The following VSTM2L variants were observed in gnomAD, a reference collection of about 807,000 sequenced individuals.
VSTM2L encodes V-set and transmembrane domain-containing protein 2-like protein.
VSTM2L carries 9 observed loss-of-function variants against 19.9 expected under a neutral mutation model. That is an observed-to-expected ratio of 0.45 (90% CI 0.27 to 0.79). VSTM2L has a LOEUF of 0.79. VSTM2L is among the 30% of genes least tolerant of loss of function. VSTM2L has a pLI of 0.15. For missense variants in VSTM2L, 286 were observed against 295.5 expected (o/e 0.97, Z 0.24); for synonymous variants, 127 against 133.8 (o/e 0.95, Z 0.35).
rs1288262763 is a variant in VSTM2L at position 37,931,636 on chromosome 20, C to G, written c.123C>G (p.Ala41=). The G allele has an allele frequency of 6.2e-7, 1 of 1,612,100 alleles. No homozygotes were observed. Among genetic ancestry groups the G allele is most frequent in the African/African-American group, 1.3e-5 (1 of 74,922 alleles). The change falls in exon 2 of 4, where the codon GCC becomes GCG. Residue 41 remains alanine, a splice_region_variant and synonymous_variant. Coordinates refer to ENST00000373461, the MANE Select transcript of VSTM2L (RefSeq NM_080607.3). The stretch of plus-strand genomic sequence containing the variant: ...TTCTTCCCCCTGTTTCTTGCACAGC[C>G]CTGTTCACAGAGACACCCCATGACA... The part of the protein sequence containing the change: ...APWDNHVSGH[A]LFTETPHDMT...
rs187604154 is a variant in VSTM2L, at chr20:37,936,902, G to A, written c.342+3313G>A. ...CGTAAAACTCCTATTCCTAGCAAGC[G>A]AGCAGGATGTGGGCAAGGGAATAAA... On this transcript the variant is annotated intron_variant, in intron 3 of 3. Transcript: ENST00000373461. Among the ~76,000 whole-genome samples the A allele has an allele frequency of 6.6e-5, 10 of 151,910 alleles. No homozygotes were observed. In the East Asian group the frequency reaches 1.5e-3, roughly 23 times the overall value.
rs767692338 is a variant in VSTM2L, at chr20:37,931,723, C to G, written c.210C>G (p.Pro70=). Residue 70 remains proline (P), a synonymous_variant, in exon 2 of 4, where the codon CCC becomes CCG. Transcript: ENST00000373461. ...MACSFRGSGS[P]SYSLEIQWWY... ...GCTCCTTCCGCGGCAGCGGCTCCCCCTCCTACTCGCTGGAGATCCAGTGGT... is the reference window on the plus strand; with the variant it reads ...GCTCCTTCCGCGGCAGCGGCTCCCCGTCCTACTCGCTGGAGATCCAGTGGT... 2 of 1,613,854 alleles carry G rather than the reference C, an allele frequency of 1.2e-6. No individual in the cohort carries two copies. The highest frequency in any genetic ancestry group is 1.7e-5 in the Admixed American group (1 of 60,022).
intron 1 of VSTM2L, among the ~76,000 whole-genome samples, chr20:37,930,291 C>T (rs2072901162): frequency 2.0e-5 from 3 of 151,896 alleles, no homozygotes; most frequent in Non-Finnish European, 2.9e-5. Flanking sequence ...AGAGAGGTGG[C>T]CCCAGAGCAG....
chr20:37,917,720 C>T (rs2072827665), intron 1 of VSTM2L, among the ~76,000 whole-genome samples: 1 of 152,198 alleles, frequency 6.6e-6, no homozygotes, highest in Non-Finnish European at 1.5e-5. Flanking sequence ...CCCTGTTAGC[C>T]ACCACACCAG....
At chr20:37,907,768 C>G (rs1369874497) in intron 1 of VSTM2L, among the ~76,000 whole-genome samples, 1 of 152,098 alleles carries the variant, frequency 6.6e-6, no homozygotes, top group Non-Finnish European at 1.5e-5. Context: ...GGGGCTTTGT[C>G]CATTGAGTGA....
At position 37,903,402 on chromosome 20, in the gene VSTM2L, T is replaced by C; in HGVS notation, c.52T>C (p.Phe18Leu). The C allele has an allele frequency of 6.7e-7, 1 of 1,490,678 alleles. No homozygotes were observed. Among genetic ancestry groups the C allele is most frequent in the Non-Finnish European group, 8.9e-7 (1 of 1,126,566 alleles). The allele number at this position is 1,490,678 out of a possible 1,614,324, so 92.3% of individuals were successfully genotyped here. A position where few individuals can be genotyped will look rare whatever the true frequency, so the allele number is the denominator to read the frequency against. The change falls in exon 1 of 4, where the codon TTC becomes CTC. Residue 18 changes from phenylalanine (F) to leucine (L), a missense_variant. Coordinates refer to ENST00000373461, the MANE Select transcript of VSTM2L (RefSeq NM_080607.3). ...ALGALHYLAL[F>L]LQLGGATRPA... ...GGGCGCCCTCCACTACCTGGCACTT[T>C]TCCTGCAACTCGGCGGCGCCACGCG...
chr20:37,929,776 C>A (rs764380267), intron 1 of VSTM2L, among the ~76,000 whole-genome samples: 1 of 151,812 alleles, frequency 6.6e-6, no homozygotes, highest in Non-Finnish European at 1.5e-5. Context: ...CCACAGGGTT[C>A]CTTGAAGACT....
At chr20:37,929,137 G>A (rs6123167) in intron 1 of VSTM2L, among the ~76,000 whole-genome samples, 65,516 of 151,906 alleles carry the variant, frequency 0.43, 14,381 homozygotes, top group Middle Eastern at 0.61. Flanking sequence ...CTAAGGAAGC[G>A]GACTTTGAGC....
intron 1 of VSTM2L, among the ~76,000 whole-genome samples, chr20:37,929,790 T>C (rs2072898405): frequency 6.6e-6 from 1 of 151,776 alleles, no homozygotes; most frequent in South Asian, 2.1e-4. Flanking sequence ...GAAGACTGAA[T>C]GTGGGAAGGG....
intron 3 of VSTM2L, among the ~76,000 whole-genome samples, chr20:37,935,271 G>A (rs1489754689): frequency 3.3e-5 from 5 of 152,178 alleles, no homozygotes; most frequent in Non-Finnish European, 5.9e-5. Flanking sequence ...CTGGGGCTCC[G>A]AGGGTCTGGT....
chr20:37,913,866 C>T (rs1436636029), intron 1 of VSTM2L, among the ~76,000 whole-genome samples: 3 of 152,302 alleles, frequency 2.0e-5, no homozygotes, highest in African/African-American at 7.2e-5. Flanking sequence ...AAGGGGGCAG[C>T]CCTGGAAGCC....
In VSTM2L at chr20:37,945,314, A is replaced by T; in HGVS notation, c.*1061A>T. 1.0e-6 allele frequency: 1 copy of T among 977,644 alleles called. No homozygotes were observed. The highest frequency in any genetic ancestry group is 4.7e-5 in the South Asian group (1 of 21,114). 60.6% of individuals were successfully genotyped at this position (977,644 alleles called of 1,614,324 possible). A position where few individuals can be genotyped will look rare whatever the true frequency, so the allele number is the denominator to read the frequency against. On this transcript the variant is annotated 3_prime_UTR_variant, in exon 4 of 4. Transcript: ENST00000373461. ...CCCTGTATACATGATCCAGTCTGTGACTACCAGCCAACCTGAATAAAGCGG... is the reference window on the plus strand; with the variant it reads ...CCCTGTATACATGATCCAGTCTGTGTCTACCAGCCAACCTGAATAAAGCGG...
At position 37,931,769 on chromosome 20, in the gene VSTM2L, G is replaced by C. The variant is rs1257904062; in HGVS notation, c.256G>C (p.Asp86His). 5 of 1,613,838 alleles carry C rather than the reference G, an allele frequency of 3.1e-6. No individual in the cohort carries two copies. Among genetic ancestry groups the C allele is most frequent in the Non-Finnish European group, 4.2e-6 (5 of 1,180,024 alleles). ...IQWWYVRSHR[D>H]WTDKQAWASN... ...GTGGTGGTATGTACGGAGCCACCGG[G>C]ACTGGACCGACAAGCAGGCGTGGGC... Residue 86 changes from aspartate to histidine, a missense_variant, in exon 2 of 4, where the codon GAC (aspartate) becomes CAC (histidine). Coordinates refer to ENST00000373461, the MANE Select transcript of VSTM2L (RefSeq NM_080607.3).
In VSTM2L at chr20:37,944,280, G is replaced by A. The variant is rs1429289887; in HGVS notation, c.*27G>A. ...CTGATGCCCCTGCCCCCGCCCATCC[G>A]CCCCCACGCTGTACAGAGTGCATGA... On this transcript the variant is annotated 3_prime_UTR_variant, in exon 4 of 4. Transcript: ENST00000373461. 15 of 1,381,948 alleles carry A rather than the reference G, an allele frequency of 1.1e-5. No homozygotes were observed. The highest frequency in any genetic ancestry group is 2.8e-5 in the South Asian group (2 of 70,258). The allele number at this position is 1,381,948 out of a possible 1,614,324, so 85.6% of individuals were successfully genotyped here. A position where few individuals can be genotyped will look rare whatever the true frequency, so the allele number is the denominator to read the frequency against.
At chr20:37,943,193 G>T (rs929314369) in intron 3 of VSTM2L, among the ~76,000 whole-genome samples, 1 of 152,064 alleles carries the variant, frequency 6.6e-6, no homozygotes, top group African/African-American at 2.4e-5. Flanking sequence ...AACATGCCCA[G>T]GTCTCAAACT....
In VSTM2L at chr20:37,944,146, G is replaced by A. The variant is rs769162415; in HGVS notation, c.508G>A (p.Val170Ile). ...YLRVQPGENS[V>I]LHLPEAPPAA... Reference sequence around the variant, plus strand: ...GCGGGTGCAGCCAGGGGAGAACTCCGTCCTGCATCTGCCCGAAGCCCCTCC... The same window carrying A: ...GCGGGTGCAGCCAGGGGAGAACTCCATCCTGCATCTGCCCGAAGCCCCTCC... Residue 170 changes from valine to isoleucine, a missense_variant, in exon 4 of 4, where the codon GTC (valine) becomes ATC (isoleucine). Coordinates refer to ENST00000373461, the MANE Select transcript of VSTM2L (RefSeq NM_080607.3). 1.2e-5 allele frequency: 20 copies of A among 1,604,222 alleles called. 1 individual carries two copies. Among genetic ancestry groups the A allele is most frequent in the East Asian group, 6.8e-5 (3 of 44,388 alleles).
intron 2 of VSTM2L, among the ~76,000 whole-genome samples, chr20:37,932,202 G>T (rs1046235140): frequency 6.6e-6 from 1 of 152,184 alleles, no homozygotes; most frequent in Non-Finnish European, 1.5e-5. Flanking sequence ...TTTATAAAGA[G>T]CTCTGCAAAT....
At position 37,927,781 on chromosome 20, in the gene VSTM2L, G is replaced by A. The variant is rs972235585; in HGVS notation, c.122-3854G>A. On this transcript the variant is annotated intron_variant, in intron 1 of 3. Coordinates refer to ENST00000373461, the MANE Select transcript of VSTM2L (RefSeq NM_080607.3). Reference sequence around the variant, plus strand: ...TGGCCCTTTCCGAGGAGACCCCAGCGGAGCCTCCACCCAAGGGCGGCCCTC... The same window carrying A: ...TGGCCCTTTCCGAGGAGACCCCAGCAGAGCCTCCACCCAAGGGCGGCCCTC... Among the ~76,000 whole-genome samples the A allele has an allele frequency of 2.4e-4, 36 of 152,228 alleles. 1 individual carries two copies. The highest frequency in any genetic ancestry group is 1.6e-3 in the Admixed American group (25 of 15,296).
intron 1 of VSTM2L, among the ~76,000 whole-genome samples, chr20:37,927,979 G>A (rs1004093322): frequency 1.3e-5 from 2 of 152,216 alleles, no homozygotes; most frequent in South Asian, 2.1e-4. Flanking sequence ...TCTGCATTGA[G>A]CAAGTTCCCT....
Sources: allele counts gnomAD v4.1 joint callset (sites outside exome capture counted in the v4.1 genomes callset), GRCh38; gene constraint gnomAD v4.1.1; transcripts MANE v1.5; gene names NCBI Gene and HGNC (gene_info 2026-07-23, HGNC 2026-07-21).